Variants in CDC42SE2 observed in about 807,000 individuals in gnomAD.
The protein encoded by CDC42SE2 is CDC42 small effector 2.
A neutral mutation model predicts 11.5 loss-of-function variants in CDC42SE2; 3 were observed. The ratio of observed to expected loss-of-function variants is 0.26; its 90% CI spans 0.12 to 0.67. The LOEUF (loss-of-function observed/expected upper bound fraction) is 0.67. CDC42SE2 is among the 30% of genes least tolerant of loss of function. The pLI is 0.80. For missense variants in CDC42SE2, 82 were observed against 106.8 expected, an observed-to-expected ratio of 0.77 and a Z score of 1.02; for synonymous variants, 33 against 34.8, an observed-to-expected ratio of 0.95 and a Z score of 0.18.
At chr5:131,312,793 T>G (rs1757953117) in intron 1 of CDC42SE2, among the ~76,000 whole-genome samples, 1 of 152,090 alleles carries the variant, frequency 6.6e-6, no homozygotes, top group Non-Finnish European at 1.5e-5. Flanking sequence ...CTCGCCCTAC[T>G]TTGGCTTGCA....
chr5:131,280,941 C>T (rs1757225892), intron 1 of CDC42SE2, among the ~76,000 whole-genome samples: 2 of 151,986 alleles, frequency 1.3e-5, no homozygotes, highest in African/African-American at 2.4e-5. Flanking sequence ...TTAATGTTTC[C>T]TTTGATTTTT....
At chr5:131,310,333 CT>C (rs1215300618) in intron 1 of CDC42SE2, among the ~76,000 whole-genome samples, 1 of 151,498 alleles carries the variant, frequency 6.6e-6, no homozygotes, top group Admixed American at 6.6e-5. Flanking sequence ...AATTTCTGTT[CT>C]TTTACATTTG....
At chr5:131,371,521 A>G (rs1750012080) in intron 3 of CDC42SE2, among the ~76,000 whole-genome samples, 2 of 152,240 alleles carry the variant, frequency 1.3e-5, no homozygotes, top group South Asian at 4.1e-4. Flanking sequence ...TTTGTTTTAT[A>G]TGTGATTTTG....
chr5:131,325,606 G>C (rs1193198736), intron 2 of CDC42SE2, among the ~76,000 whole-genome samples: 2 of 151,710 alleles, frequency 1.3e-5, no homozygotes, highest in Non-Finnish European at 2.9e-5. Context: ...ATTTTAGCCT[G>C]AACAAAACAG....
At chr5:131,348,471 A>AT (rs1758912638) in intron 2 of CDC42SE2, among the ~76,000 whole-genome samples, 1 of 152,214 alleles carries the variant, frequency 6.6e-6, no homozygotes, top group Admixed American at 6.5e-5. Context: ...ACTACAAACC[A>AT]TTGCTCAATG....
At chr5:131,303,591 A>G (rs748347594) in intron 1 of CDC42SE2, among the ~76,000 whole-genome samples, 20 of 152,322 alleles carry the variant, frequency 1.3e-4, no homozygotes, top group Non-Finnish European at 1.9e-4. Flanking sequence ...AATCTTAAAT[A>G]AAGTTTGTCT....
intron 2 of CDC42SE2, among the ~76,000 whole-genome samples, chr5:131,323,990 A>C (rs1758247273): frequency 6.6e-6 from 1 of 152,192 alleles, no homozygotes; most frequent in South Asian, 2.1e-4. Flanking sequence ...TTTTCAAGAA[A>C]ATTTTAGGGG....
At chr5:131,343,724 AAAAG>A (rs1215368777) in intron 2 of CDC42SE2, among the ~76,000 whole-genome samples, 2 of 151,972 alleles carry the variant, frequency 1.3e-5, no homozygotes, top group African/African-American at 4.8e-5. Flanking sequence ...AAAAAAAAAA[AAAAG>A]AGAGAGAGAG....
chr5:131,288,410 A>G (rs78747432), intron 1 of CDC42SE2, among the ~76,000 whole-genome samples: 1 of 152,304 alleles, frequency 6.6e-6, no homozygotes, highest in South Asian at 2.1e-4. Flanking sequence ...CCCAAGTTTC[A>G]TGAAATATCA....
chr5:131,286,822 A>T (rs982602329), intron 1 of CDC42SE2, among the ~76,000 whole-genome samples: 2 of 151,728 alleles, frequency 1.3e-5, no homozygotes, highest in Non-Finnish European at 2.9e-5. Context: ...CATATACTAG[A>T]TACATGTTAA....
rs1390051756 is a variant in CDC42SE2 at position 131,279,424 on chromosome 5, G to GTTTGTTATA, written c.-455+15260_-455+15268dup. Among the ~76,000 whole-genome samples, 3 of 149,252 alleles carry GTTTGTTATA rather than the reference G, an allele frequency of 2.0e-5. No homozygotes were observed. The Admixed American group carries it at 2.0e-4, about 10-fold the overall frequency. On this transcript the variant is annotated intron_variant, in intron 1 of 4. Transcript: ENST00000505065. ...TGGTCAAGAAAGCAGAACTGATTCAGTTTGTTATATAGCATTTTCTCAGCC... is the reference window on the plus strand; with the variant it reads ...TGGTCAAGAAAGCAGAACTGATTCAGTTTGTTATATTTGTTATATAGCATTTTCTCAGCC...
chr5:131,272,696 A>C (rs966909282), intron 1 of CDC42SE2, among the ~76,000 whole-genome samples: 2 of 152,198 alleles, frequency 1.3e-5, no homozygotes, highest in African/African-American at 2.4e-5. Context: ...CTTTAAAAAA[A>C]CACCTTTCCA....
chr5:131,369,219 A>G (rs1580783181), intron 3 of CDC42SE2, among the ~76,000 whole-genome samples: 1 of 152,078 alleles, frequency 6.6e-6, no homozygotes, highest in Admixed American at 6.5e-5. Flanking sequence ...CTTTCATCCA[A>G]TGGTATATTT....
chr5:131,387,466 G>C (rs1313323458), intron 4 of CDC42SE2, among the ~76,000 whole-genome samples: 1 of 152,126 alleles, frequency 6.6e-6, no homozygotes, highest in Non-Finnish European at 1.5e-5. Context: ...GGGGAGGACT[G>C]CTTGAACCTG....
chr5:131,342,999 A>G (rs375967713), intron 2 of CDC42SE2, among the ~76,000 whole-genome samples: 42 of 152,302 alleles, frequency 2.8e-4, no homozygotes, highest in African/African-American at 1.0e-3. Context: ...GATTTTTAAA[A>G]AGTCTATGTG....
chr5:131,262,803 T>C (rs1433577761), upstream of CDC42SE2, among the ~76,000 whole-genome samples: 1 of 152,212 alleles, frequency 6.6e-6, no homozygotes, highest in Admixed American at 6.5e-5. Context: ...TTGTTGTGTT[T>C]TTTTTCCCAA....
chr5:131,215,667 AT>A, the CDC42SE2 span, among the ~76,000 whole-genome samples: 1 of 152,210 alleles, frequency 6.6e-6, no homozygotes, highest in Non-Finnish European at 1.5e-5. Flanking sequence ...AACAGAGTTC[AT>A]TGGCCTTGTT....
At chr5:131,326,178 C>T (rs1036876601) in intron 2 of CDC42SE2, among the ~76,000 whole-genome samples, 1 of 151,264 alleles carries the variant, frequency 6.6e-6, no homozygotes, top group Admixed American at 6.6e-5. Flanking sequence ...AATCTCAGCT[C>T]ACTGCAAGCT....
intron 1 of CDC42SE2, among the ~76,000 whole-genome samples, chr5:131,246,935 G>C (rs944130631): frequency 1.3e-5 from 2 of 151,740 alleles, no homozygotes; most frequent in African/African-American, 4.8e-5. Flanking sequence ...GTAGAGATAG[G>C]GTTTCTCCAT....
Sources: allele counts gnomAD v4.1 joint callset (sites outside exome capture counted in the v4.1 genomes callset), GRCh38; gene constraint gnomAD v4.1.1; transcripts MANE v1.5; gene names NCBI Gene and HGNC (gene_info 2026-07-23, HGNC 2026-07-21).